ABI1: variants seen among roughly 807,000 people sequenced by gnomAD.
The protein encoded by ABI1 is abl interactor 1, also known as Abelson interactor 1.
ABI1 carries 14 observed loss-of-function variants against 54.6 expected under a neutral mutation model. The ratio of observed to expected loss-of-function variants is 0.26; its 90% CI spans 0.17 to 0.40. ABI1 has a LOEUF of 0.40. ABI1 is among the 10% of genes least tolerant of loss of function. The pLI is 1.00. For missense variants in ABI1, 443 were observed against 598.3 expected (o/e 0.74, Z 2.71); for synonymous variants, 194 against 209.3 (o/e 0.93, Z 0.63).
intron 1 of ABI1, among the ~76,000 whole-genome samples, chr10:26,856,920 C>A (rs981282589): frequency 2.2e-4 from 34 of 152,242 alleles, no homozygotes; most frequent in African/African-American, 8.2e-4. Context: ...ACTGGCTAAA[C>A]ATGTGTGTTC....
chr10:26,812,044 C>T (rs1260840866), intron 2 of ABI1, among the ~76,000 whole-genome samples: 1 of 152,102 alleles, frequency 6.6e-6, no homozygotes, highest in Non-Finnish European at 1.5e-5. Flanking sequence ...TCATTCTAAT[C>T]TCTGCTCCTG....
intron 2 of ABI1, among the ~76,000 whole-genome samples, chr10:26,784,854 G>A (rs1477051854): frequency 1.3e-5 from 2 of 152,274 alleles, no homozygotes; most frequent in African/African-American, 2.4e-5. Context: ...ATAGCCCTAC[G>A]CTTCCTCTTT....
chr10:26,821,440 C>T (rs1295013125), intron 2 of ABI1, among the ~76,000 whole-genome samples: 4 of 151,938 alleles, frequency 2.6e-5, no homozygotes, highest in Admixed American at 2.6e-4. Context: ...AGAAAGATGA[C>T]ACCAATTACC....
chr10:26,753,127 C>T (rs1339504342), intron 9 of ABI1, among the ~76,000 whole-genome samples: 2 of 152,104 alleles, frequency 1.3e-5, no homozygotes, highest in East Asian at 1.9e-4. Flanking sequence ...ACCCTATTTC[C>T]ATAACCACTT....
At chr10:26,858,173 G>T (rs796979999) in intron 1 of ABI1, among the ~76,000 whole-genome samples, 2 of 152,128 alleles carry the variant, frequency 1.3e-5, no homozygotes, top group African/African-American at 4.8e-5. Flanking sequence ...ACTGAGAAGA[G>T]ATATATATTT....
chr10:26,824,412 T>C (rs1311161473), intron 1 of ABI1, among the ~76,000 whole-genome samples: 3 of 152,144 alleles, frequency 2.0e-5, no homozygotes, highest in Non-Finnish European at 4.4e-5. Flanking sequence ...CAAAACCATA[T>C]GTACACAGTT....
At chr10:26,795,366 T>G (rs1844020827) in intron 2 of ABI1, among the ~76,000 whole-genome samples, 1 of 152,028 alleles carries the variant, frequency 6.6e-6, no homozygotes, top group Non-Finnish European at 1.5e-5. Flanking sequence ...ATAAAAAAAT[T>G]TATTTAACAC....
intron 2 of ABI1, among the ~76,000 whole-genome samples, chr10:26,808,854 A>T (rs548290570): frequency 3.6e-4 from 55 of 152,256 alleles, no homozygotes; most frequent in African/African-American, 1.3e-3. Flanking sequence ...GGGGAGGCAG[A>T]CAGACAAAGC....
At chr10:26,809,827 C>A (rs935158867) in intron 2 of ABI1, among the ~76,000 whole-genome samples, 4 of 152,102 alleles carry the variant, frequency 2.6e-5, no homozygotes, top group Non-Finnish European at 5.9e-5. Context: ...ATGGTGAACA[C>A]GCTGATGAGC....
At chr10:26,760,830 C>T (rs987644193) in intron 7 of ABI1, among the ~76,000 whole-genome samples, 27 of 118,716 alleles carry the variant, frequency 2.3e-4, no homozygotes, top group Admixed American at 7.3e-4. Flanking sequence ...ATGGAGGTTG[C>T]GTGAGCCAAG....
intron 1 of ABI1, among the ~76,000 whole-genome samples, chr10:26,829,743 A>G (rs2048543822): frequency 6.6e-6 from 1 of 152,220 alleles, no homozygotes; most frequent in South Asian, 2.1e-4. Flanking sequence ...TCATAACAAT[A>G]TTAAAAAGAT....
intron 1 of ABI1, among the ~76,000 whole-genome samples, chr10:26,827,038 C>CA (rs1161388711): frequency 3.3e-5 from 5 of 151,872 alleles, no homozygotes; most frequent in Non-Finnish European, 7.4e-5. Flanking sequence ...CTCAGCCTCC[C>CA]AAGTAGCTGG....
At chr10:26,811,465 A>T (rs1424109147) in intron 2 of ABI1, among the ~76,000 whole-genome samples, 2 of 152,134 alleles carry the variant, frequency 1.3e-5, no homozygotes, top group African/African-American at 4.8e-5. Context: ...AAAGAAGGGG[A>T]GTTAGGAAAT....
intron 2 of ABI1, among the ~76,000 whole-genome samples, chr10:26,800,433 A>C (rs1417436395): frequency 6.6e-6 from 1 of 152,116 alleles, no homozygotes; most frequent in Non-Finnish European, 1.5e-5. Flanking sequence ...AGCATTACAC[A>C]TACCCATACG....
intron 2 of ABI1, among the ~76,000 whole-genome samples, chr10:26,821,541 T>C (rs186867090): frequency 7.3e-4 from 111 of 152,288 alleles, no homozygotes; most frequent in African/African-American, 2.4e-3. Flanking sequence ...CTCAAGCATG[T>C]AATCCCAACA....
At position 26,746,897 on chromosome 10, in the gene ABI1, TATAGG is replaced by T. The variant is rs1292881754; in HGVS notation, c.*1668_*1672del. ...TATTTTAACAGTATCCAAAATTTCA[TATAGG>T]AGAATGGTTTATTATAAAAGACTGT... On this transcript the variant is annotated 3_prime_UTR_variant, in exon 11 of 11. Coordinates refer to ENST00000376140, the MANE Select transcript of ABI1 (RefSeq NM_001012750.3). 3.4e-6 allele frequency: 1 copy of T among 294,008 alleles called. No homozygotes were observed. The highest frequency in any genetic ancestry group is 2.2e-5 in the African/African-American group (1 of 46,070). The allele number at this position is 294,008 out of a possible 1,614,324, so 18.2% of individuals were successfully genotyped here.
intron 1 of ABI1, among the ~76,000 whole-genome samples, chr10:26,834,056 C>A (rs1324777164): frequency 6.6e-6 from 1 of 151,944 alleles, no homozygotes; most frequent in Non-Finnish European, 1.5e-5. Flanking sequence ...ATGGTGAAAC[C>A]CCAGCTCTGC....
chr10:26,814,185 T>G (rs1235219858), intron 2 of ABI1, among the ~76,000 whole-genome samples: 1 of 152,202 alleles, frequency 6.6e-6, no homozygotes, highest in Non-Finnish European at 1.5e-5. Flanking sequence ...ATTCCTAAAT[T>G]TTGAAGACTC....
chr10:26,860,042 T>C lies in ABI1; in HGVS notation c.117+705A>G, dbSNP rs1008631343. 2.0e-5 allele frequency among the ~76,000 whole-genome samples: 3 copies of C among 152,102 alleles called. No individual in the cohort carries two copies. The highest frequency in any genetic ancestry group is 2.0e-4 in the Admixed American group (3 of 15,272). ...TTGAAAATGGACAAGCAGACAGATTTACAAACCTTCAATTAAAGGAATTTT... is the reference window on the plus strand; with the variant it reads ...TTGAAAATGGACAAGCAGACAGATTCACAAACCTTCAATTAAAGGAATTTT... On this transcript the variant is annotated intron_variant, in intron 1 of 10. Transcript: ENST00000376140. This position sits in a 1 kb window ranked among gnomAD's most constrained non-coding sequence, Gnocchi z 4.1.
Sources: allele counts gnomAD v4.1 joint callset (sites outside exome capture counted in the v4.1 genomes callset), GRCh38; gene constraint gnomAD v4.1.1; non-coding constraint Gnocchi (gnomAD v3.1); transcripts MANE v1.5; gene names NCBI Gene and HGNC (gene_info 2026-07-23, HGNC 2026-07-21).